Variants in SLC2A9 observed in about 807,000 individuals in gnomAD.
SLC2A9 encodes solute carrier family 2, facilitated glucose transporter member 9.
In SLC2A9, 39 loss-of-function variants were observed where a neutral mutation model predicts 50.6. The ratio of observed to expected loss-of-function variants is 0.77; its 90% CI spans 0.60 to 1.01. The LOEUF (loss-of-function observed/expected upper bound fraction) is 1.01, where lower values mean the gene tolerates loss of function less well. Among genes scored for constraint, SLC2A9 ranks in the 50% least tolerant of loss-of-function variants. The pLI, the probability that SLC2A9 is intolerant of heterozygous loss-of-function variation, is 0.00. For synonymous variants in SLC2A9, 324 were observed against 276.9 expected, an observed-to-expected ratio of 1.17 and a Z score of -1.69; for missense variants, 686 against 677.6, an observed-to-expected ratio of 1.01 and a Z score of -0.14.
At chr4:9,827,697 A>C (rs150251636) in intron 11 of SLC2A9, among the ~76,000 whole-genome samples, 6 of 152,148 alleles carry the variant, frequency 3.9e-5, no homozygotes, top group African/African-American at 1.4e-4. Context: ...ATTAAATGAG[A>C]CATTCCCTTT....
At chr4:9,785,394 G>A (rs1474319017) in intron 3 of SLC2A9, among the ~76,000 whole-genome samples, 2 of 152,222 alleles carry the variant, frequency 1.3e-5, no homozygotes, top group African/African-American at 4.8e-5. Context: ...AGTGGGAGAA[G>A]ATTCTGTATC....
At chr4:10,007,258 G>A (rs541615048) in intron 2 of SLC2A9, among the ~76,000 whole-genome samples, 22 of 152,302 alleles carry the variant, frequency 1.4e-4, no homozygotes, top group Admixed American at 3.9e-4. Context: ...TTGAGCATTA[G>A]GTTTGCAGGT....
intron 2 of SLC2A9, among the ~76,000 whole-genome samples, chr4:10,016,955 C>T (rs1434494991): frequency 6.6e-6 from 1 of 152,072 alleles, no homozygotes; most frequent in Non-Finnish European, 1.5e-5. Context: ...TGCATTCCCC[C>T]TAGGTACTGG....
At chr4:9,795,194 G>T (rs1157959253), downstream of SLC2A9, among the ~76,000 whole-genome samples, 1 of 151,716 alleles carries the variant, frequency 6.6e-6, no homozygotes, top group African/African-American at 2.4e-5. Context: ...TGTATTTTTA[G>T]TATAGACAGG....
At chr4:9,905,504 A>C (rs1263536511) in intron 8 of SLC2A9, among the ~76,000 whole-genome samples, 1 of 152,006 alleles carries the variant, frequency 6.6e-6, no homozygotes. Context: ...AGAGGCTGAG[A>C]CTCTGAGTTC....
At chr4:9,820,652 T>C (rs1476144140) in intron 3 of SLC2A9, among the ~76,000 whole-genome samples, 2 of 152,194 alleles carry the variant, frequency 1.3e-5, no homozygotes, top group Non-Finnish European at 2.9e-5. Flanking sequence ...CTAAAGAACG[T>C]AAATATGTTT....
intron 10 of SLC2A9, among the ~76,000 whole-genome samples, chr4:9,875,406 T>G (rs901655307): frequency 1.1e-4 from 16 of 152,228 alleles, no homozygotes; most frequent in African/African-American, 3.6e-4. Flanking sequence ...GGATGCTGTG[T>G]CTTTAGAAAT....
At chr4:9,999,750 G>A (rs921061879) in intron 2 of SLC2A9, among the ~76,000 whole-genome samples, 16 of 152,100 alleles carry the variant, frequency 1.1e-4, no homozygotes, top group Non-Finnish European at 1.9e-4. Context: ...GCAGGGGGAG[G>A]ACATGGTGTG....
chr4:9,928,069 G>C (rs1745242265), intron 6 of SLC2A9, among the ~76,000 whole-genome samples: 1 of 152,102 alleles, frequency 6.6e-6, no homozygotes, highest in Admixed American at 6.5e-5. Context: ...TTGAGCCCAG[G>C]AGTTCGAGGC....
chr4:9,890,770 G>A, intron 8 of SLC2A9, 59 bp from the exon 9 acceptor site: 1 of 1,477,184 alleles, frequency 6.8e-7, no homozygotes. Flanking sequence ...CACAACAGGG[G>A]AATGTGGCAC....
intron 5 of SLC2A9, among the ~76,000 whole-genome samples, chr4:9,979,913 T>C (rs932365560): frequency 2.0e-5 from 3 of 152,100 alleles, no homozygotes; most frequent in Non-Finnish European, 4.4e-5. Flanking sequence ...GTATATCCTC[T>C]GTCCCAATCC....
At chr4:9,857,070 C>T (rs1004679664) in intron 10 of SLC2A9, among the ~76,000 whole-genome samples, 1 of 151,956 alleles carries the variant, frequency 6.6e-6, no homozygotes, top group East Asian at 1.9e-4. Context: ...TGCAATTTAC[C>T]TATATATCAA....
At chr4:10,038,060 A>ATG (rs1201320549) in intron 1 of SLC2A9, among the ~76,000 whole-genome samples, 1 of 152,176 alleles carries the variant, frequency 6.6e-6, no homozygotes, top group Non-Finnish European at 1.5e-5. Context: ...CCTTGAGACA[A>ATG]GGTGTCCCCA....
At chr4:9,968,029 G>A (rs1560405233) in intron 5 of SLC2A9, among the ~76,000 whole-genome samples, 1 of 152,110 alleles carries the variant, frequency 6.6e-6, no homozygotes, top group Non-Finnish European at 1.5e-5. Context: ...GGTCCCTTAT[G>A]TTAAAGCAAC....
chr4:9,984,035 G>A (rs1034053036), intron 4 of SLC2A9, among the ~76,000 whole-genome samples: 13 of 152,188 alleles, frequency 8.5e-5, no homozygotes, highest in Admixed American at 7.9e-4. Context: ...CAGTTGGTCA[G>A]TTATAAAACA....
intron 7 of SLC2A9, among the ~76,000 whole-genome samples, chr4:9,908,573 T>A (rs550060674): frequency 6.6e-6 from 1 of 151,518 alleles, no homozygotes; most frequent in East Asian, 1.9e-4. Context: ...TTTATTATAC[T>A]TTAAGTTCTA....
At chr4:9,847,042 A>C (rs1351600922) in intron 10 of SLC2A9, among the ~76,000 whole-genome samples, 1 of 152,236 alleles carries the variant, frequency 6.6e-6, no homozygotes, top group African/African-American at 2.4e-5. Context: ...CTTGTACATA[A>C]AATGAGGACA....
At chr4:9,932,635 G>C (rs1284403834) in intron 6 of SLC2A9, among the ~76,000 whole-genome samples, 1 of 152,204 alleles carries the variant, frequency 6.6e-6, no homozygotes, top group Non-Finnish European at 1.5e-5. Flanking sequence ...CAGACATCTG[G>C]GGAAAGAGCC....
intron 10 of SLC2A9, among the ~76,000 whole-genome samples, chr4:9,841,890 T>C (rs1003753219): frequency 6.6e-6 from 1 of 152,202 alleles, no homozygotes; most frequent in African/African-American, 2.4e-5. Context: ...CTGCAATTGC[T>C]GACTCACCTG....
Sources: allele counts gnomAD v4.1 joint callset (sites outside exome capture counted in the v4.1 genomes callset), GRCh38; gene constraint gnomAD v4.1.1; transcripts MANE v1.5; gene names NCBI Gene and HGNC (gene_info 2026-07-23, HGNC 2026-07-21).